The following ZNF853 variants were observed in gnomAD, a reference collection of about 807,000 sequenced individuals.
The protein encoded by ZNF853 is zinc finger protein 853.
ZNF853 carries 57 observed loss-of-function variants against 94.7 expected under a neutral mutation model. That is an observed-to-expected ratio of 0.60 (90% CI 0.49 to 0.75). The LOEUF is 0.75. ZNF853 is among the 30% of genes least tolerant of loss of function. The pLI is 0.00. For missense variants in ZNF853, 785 were observed against 868.9 expected, an observed-to-expected ratio of 0.90 and a Z score of 1.21; for synonymous variants, 448 against 406.3, an observed-to-expected ratio of 1.10 and a Z score of -1.23.
intron 2 of ZNF853, among the ~76,000 whole-genome samples, chr7:6,617,998 G>A: frequency 1.3e-5 from 2 of 152,066 alleles, no homozygotes; most frequent in African/African-American, 4.8e-5. Context: ...GGGATGTGTG[G>A]AGTCAAGAAG....
chr7:6,622,775 G>A lies in ZNF853; in HGVS notation c.1784G>A (p.Arg595Gln). Residue 595 changes from arginine to glutamine, a missense_variant, in exon 3 of 3, where the codon CGG becomes CAG. By Grantham distance (43) the Arg-to-Gln change is conservative. Coordinates refer to ENST00000457543, the MANE Select transcript of ZNF853 (RefSeq NM_017560.3). ...CACCGGCGCACGCACTCGGGCGAGCGGCCCTACGTGTGCGAGGACTGTGGC... is the reference window on the plus strand; with the variant it reads ...CACCGGCGCACGCACTCGGGCGAGCAGCCCTACGTGTGCGAGGACTGTGGC... ...LRHRRTHSGE[R>Q]PYVCEDCGER... The A allele has an allele frequency of 6.5e-7, 1 of 1,542,422 alleles. No homozygotes were observed. The highest frequency in any genetic ancestry group is 8.7e-7 in the Non-Finnish European group (1 of 1,147,524).
rs1782632547 is a variant in ZNF853, at chr7:6,622,117, CAGCAGCAGCTGGAGCAGCAGG to C, written c.1129_1149del (p.Gln377_Glu383del). Reference sequence around the variant, plus strand: ...GCTGGAGCAACAGCTGGAGCAGCAGCAGCAGCAGCTGGAGCAGCAGGAGGTGCAGCTGGAGCTGACCCCGGT... The same window carrying C: ...GCTGGAGCAACAGCTGGAGCAGCAGCAGGTGCAGCTGGAGCTGACCCCGGT... On this transcript the variant is annotated inframe_deletion, in exon 3 of 3. Coordinates refer to ENST00000457543, the MANE Select transcript of ZNF853 (RefSeq NM_017560.3). 6.5e-7 allele frequency: 1 copy of C among 1,545,592 alleles called. No homozygotes were observed. Among genetic ancestry groups the C allele is most frequent in the Non-Finnish European group, 8.7e-7 (1 of 1,146,748 alleles).
At chr7:6,618,577 T>C in intron 2 of ZNF853, among the ~76,000 whole-genome samples, 2 of 151,708 alleles carry the variant, frequency 1.3e-5, no homozygotes, top group Admixed American at 6.6e-5. Flanking sequence ...AGGCGTGGTG[T>C]TGTGTACCTA....
intron 1 of ZNF853, 28 bp downstream of exon 1, chr7:6,616,214 G>C: frequency 3.2e-6 from 5 of 1,547,108 alleles, no homozygotes; most frequent in Non-Finnish European, 3.5e-6. Context: ...GTTGGCGCTG[G>C]GCAACCGGGG....
At chr7:6,617,652 A>C (rs1782532393) in intron 2 of ZNF853, 6 of 985,326 alleles carry the variant, frequency 6.1e-6, no homozygotes, top group Non-Finnish European at 7.2e-6. Flanking sequence ...AATTTCCCGG[A>C]TCCGATTCAG....
In ZNF853 at chr7:6,616,166, G is replaced by T; in HGVS notation, c.-9G>T. The T allele has an allele frequency of 6.5e-7, 1 of 1,547,930 alleles. No individual in the cohort carries two copies. The highest frequency in any genetic ancestry group is 1.4e-5 in the African/African-American group (1 of 73,114). On this transcript the variant is annotated 5_prime_UTR_variant, in exon 1 of 3. Transcript: ENST00000457543. ...CCTCCCTAGCGCAGAGGCTGCCCGG[G>T]AGCAGGAAATGCTCCACCAGGTGAG...
In ZNF853 at chr7:6,622,543, T is replaced by C; in HGVS notation, c.1552T>C (p.Cys518Arg). ...TGERPHRCGE[C>R]GKGFSQHSNL... ...TGAGCGGCCACACCGCTGCGGCGAG[T>C]GCGGCAAGGGCTTCTCGCAGCACTC... The change falls in exon 3 of 3, where the codon TGC becomes CGC. Residue 518 changes from cysteine to arginine, a missense_variant. Transcript: ENST00000457543. 1 of 1,552,090 alleles carries C rather than the reference T, an allele frequency of 6.4e-7. No individual in the cohort carries two copies. Among genetic ancestry groups the C allele is most frequent in the Non-Finnish European group, 8.7e-7 (1 of 1,148,470 alleles).
At chr7:6,618,813 ATCTG>A in intron 2 of ZNF853, among the ~76,000 whole-genome samples, 1 of 152,082 alleles carries the variant, frequency 6.6e-6, no homozygotes, top group African/African-American at 2.4e-5. Context: ...CAGAGGCATG[ATCTG>A]TCTCATTCCT....
In ZNF853 at chr7:6,617,529, G is replaced by C; in HGVS notation, c.130+222G>C. 3.2e-6 allele frequency: 3 copies of C among 933,762 alleles called. No homozygotes were observed. The African/African-American group carries it at 5.3e-5, about 17-fold the overall frequency. The allele number at this position is 933,762 out of a possible 1,614,324, so 57.8% of individuals were successfully genotyped here. On this transcript the variant is annotated intron_variant, in intron 2 of 2. Transcript: ENST00000457543. ...CCCGCTCCCCACATGGGTGCTGACT[G>C]GACTTAACACTCACACGCGCTGCTG...
chr7:6,622,047 G>C lies in ZNF853; in HGVS notation c.1056G>C (p.Gln352His). The C allele has an allele frequency of 1.3e-6, 2 of 1,548,242 alleles. No homozygotes were observed. The highest frequency in any genetic ancestry group is 2.4e-5 in the South Asian group (2 of 83,948). ...LERQQELERQ[Q>H]EQRQLQLKLQ... ...GGCAGCAGGAGCTGGAACGGCAGCAGGAGCAGCGGCAGCTGCAGCTCAAAC... is the reference window on the plus strand; with the variant it reads ...GGCAGCAGGAGCTGGAACGGCAGCACGAGCAGCGGCAGCTGCAGCTCAAAC... The change falls in exon 3 of 3, where the codon CAG becomes CAC. Residue 352 changes from glutamine (Q) to histidine (H), a missense_variant. Coordinates refer to ENST00000457543, the MANE Select transcript of ZNF853 (RefSeq NM_017560.3).
Position 6,622,321 on chromosome 7 carries a change from C to A in ZNF853, c.1330C>A (p.Gln444Lys). Residue 444 changes from glutamine to lysine, a missense_variant, in exon 3 of 3, where the codon CAG becomes AAG. Coordinates refer to ENST00000457543, the MANE Select transcript of ZNF853 (RefSeq NM_017560.3). ...VVAPPGYVVV[Q>K]ELMVLPAVAA... ...GGCTCCCCCGGGCTACGTGGTGGTG[C>A]AGGAGCTCATGGTGCTGCCCGCCGT... 1 of 1,507,566 alleles carries A rather than the reference C, an allele frequency of 6.6e-7. No individual in the cohort carries two copies. The highest frequency in any genetic ancestry group is 1.2e-5 in the South Asian group (1 of 80,148). The allele number at this position is 1,507,566 out of a possible 1,614,324, so 93.4% of individuals were successfully genotyped here. A position where few individuals can be genotyped will look rare whatever the true frequency, so the allele number is the denominator to read the frequency against.
intron 1 of ZNF853, 59 bp downstream of exon 1, chr7:6,616,245 T>G: frequency 6.6e-7 from 1 of 1,517,344 alleles, no homozygotes. Flanking sequence ...TGAGAGAGTT[T>G]GGACTGGATG....
rs904245233 is a variant in ZNF853 at position 6,622,395 on chromosome 7, G to C, written c.1404G>C (p.Ala468=). The change falls in exon 3 of 3, where the codon GCG becomes GCC. Residue 468 remains alanine (A), a synonymous_variant. Transcript: ENST00000457543. ...TCCCGGGCCCGGCAGGCAGCGCGGCGTTGACCCCTGCACGGCAGCGGCGGC... is the reference window on the plus strand; with the variant it reads ...TCCCGGGCCCGGCAGGCAGCGCGGCCTTGACCCCTGCACGGCAGCGGCGGC... ...VAIPGPAGSA[A]LTPARQRRRR... 1.0e-4 allele frequency: 139 copies of C among 1,396,856 alleles called. No individual in the cohort carries two copies. Among genetic ancestry groups the C allele is most frequent in the Middle Eastern group, 7.8e-4 (3 of 3,822 alleles). 86.5% of individuals were successfully genotyped at this position (1,396,856 alleles called of 1,614,324 possible). A position where few individuals can be genotyped will look rare whatever the true frequency, so the allele number is the denominator to read the frequency against.
chr7:6,622,255 G>A lies in ZNF853; in HGVS notation c.1264G>A (p.Gly422Ser), dbSNP rs1285871067. ...GGAACTGGTGCCAGCCGCAGGGGGC[G>A]GCGGAGCGGCGGTCCCGGGGGCTCC... ...QLELVPAAGG[G>S]GAAVPGAPAA... Residue 422 changes from glycine to serine, a missense_variant, in exon 3 of 3, where the codon GGC becomes AGC. Gly to Ser is a moderately conservative substitution (Grantham distance 56). Coordinates refer to ENST00000457543, the MANE Select transcript of ZNF853 (RefSeq NM_017560.3). 3.3e-6 allele frequency: 5 copies of A among 1,513,260 alleles called. No individual in the cohort carries two copies. The highest frequency in any genetic ancestry group is 4.4e-6 in the Non-Finnish European group (5 of 1,135,570). 93.7% of individuals were successfully genotyped at this position (1,513,260 alleles called of 1,614,324 possible).
intron 1 of ZNF853, among the ~76,000 whole-genome samples, chr7:6,616,948 T>A: frequency 0.023 from 3,515 of 152,220 alleles, 64 homozygotes; most frequent in Middle Eastern, 0.048. Flanking sequence ...GGAGAGGCAG[T>A]CCTGCCTCTA....
Position 6,622,792 on chromosome 7 carries a change from G to A in ZNF853, c.1801G>A (p.Asp601Asn), listed in dbSNP as rs1467835491. ...GGGCGAGCGGCCCTACGTGTGCGAG[G>A]ACTGTGGCGAGCGCTTCCGACACAA... ...HSGERPYVCE[D>N]CGERFRHKVQ... The change falls in exon 3 of 3, where the codon GAC becomes AAC. Residue 601 changes from aspartate to asparagine, a missense_variant. Physicochemically the swap from Asp to Asn is conservative, Grantham distance 23 (BLOSUM62 1). Transcript: ENST00000457543. 11 of 1,536,820 alleles carry A rather than the reference G, an allele frequency of 7.2e-6. No homozygotes were observed. The highest frequency in any genetic ancestry group is 8.7e-6 in the Non-Finnish European group (10 of 1,145,524).
In ZNF853 at chr7:6,621,842, A is replaced by C. The variant is rs769081893; in HGVS notation, c.851A>C (p.Glu284Ala). Residue 284 changes from glutamate to alanine, a missense_variant, in exon 3 of 3, where the codon GAA (glutamate) becomes GCA (alanine). Coordinates refer to ENST00000457543, the MANE Select transcript of ZNF853 (RefSeq NM_017560.3). ...LQQQLLLQQQ[E>A]QLQQQQQQQL... ...CAGCAGCTACTGCTGCAGCAGCAGG[A>C]ACAGTTACAGCAGCAGCAGCAACAG... The C allele has an allele frequency of 2.6e-5, 41 of 1,550,558 alleles. No individual in the cohort carries two copies. Among genetic ancestry groups the C allele is most frequent in the East Asian group, 7.3e-5 (3 of 40,932 alleles).
In ZNF853 at chr7:6,622,218, G is replaced by A; in HGVS notation, c.1227G>A (p.Pro409=). The A allele has an allele frequency of 6.5e-6, 10 of 1,534,338 alleles. No individual in the cohort carries two copies. Among genetic ancestry groups the A allele is most frequent in the Middle Eastern group, 4.6e-4 (2 of 4,346 alleles). Residue 409 remains proline (P), a synonymous_variant, in exon 3 of 3, where the codon CCG becomes CCA. Transcript: ENST00000457543. ...EVQLELTPVQ[P]ELQLELVPAA... The stretch of plus-strand genomic sequence containing the variant: ...AGCTGGAGCTGACCCCCGTGCAGCC[G>A]GAGCTGCAGCTGGAACTGGTGCCAG...
chr7:6,618,538 A>C, intron 2 of ZNF853, among the ~76,000 whole-genome samples: 1 of 152,030 alleles, frequency 6.6e-6, no homozygotes, highest in Non-Finnish European at 1.5e-5. Context: ...GCAAAACCCC[A>C]TCTCTACAAA....
Sources: allele counts gnomAD v4.1 joint callset (sites outside exome capture counted in the v4.1 genomes callset), GRCh38; gene constraint gnomAD v4.1.1; transcripts MANE v1.5; gene names NCBI Gene and HGNC (gene_info 2026-07-23, HGNC 2026-07-21).